SMOC2: variants seen among roughly 807,000 people sequenced by gnomAD.
SMOC2 encodes the protein SPARC-related modular calcium-binding protein 2.
In SMOC2, 39 loss-of-function variants were observed where a neutral mutation model predicts 61.4. That is an observed-to-expected ratio of 0.64 (90% confidence interval 0.49 to 0.83). The LOEUF (loss-of-function observed/expected upper bound fraction) is 0.83. SMOC2 is among the 40% of genes least tolerant of loss of function. SMOC2 has a pLI of 0.00. For missense variants in SMOC2, 556 were observed against 592.9 expected (o/e 0.94, Z 0.65); for synonymous variants, 247 against 239.9 (o/e 1.03, Z -0.27).
intron 7 of SMOC2, among the ~76,000 whole-genome samples, chr6:168,566,193 C>A (rs77984234): frequency 0.018 from 2,798 of 152,168 alleles, 97 homozygotes; most frequent in African/African-American, 0.064. Context: ...TATTATTTAT[C>A]CTAGAATAAA....
intron 1 of SMOC2, among the ~76,000 whole-genome samples, chr6:168,495,278 C>T (rs990170310): frequency 6.6e-6 from 1 of 152,182 alleles, no homozygotes; most frequent in Non-Finnish European, 1.5e-5. Context: ...CGGGTCCACC[C>T]CCCTCTAACT....
At chr6:168,462,117 C>T (rs1468591537) in intron 1 of SMOC2, among the ~76,000 whole-genome samples, 1 of 152,064 alleles carries the variant, frequency 6.6e-6, no homozygotes, top group South Asian at 2.1e-4. Flanking sequence ...TGCTCTTTCC[C>T]CATCCTGCCC....
At chr6:168,651,401 C>T (rs1360896796) in intron 10 of SMOC2, among the ~76,000 whole-genome samples, 1 of 152,148 alleles carries the variant, frequency 6.6e-6, no homozygotes, top group African/African-American at 2.4e-5. Context: ...CAACACTCCT[C>T]TTTTCCACCC....
intron 9 of SMOC2, among the ~76,000 whole-genome samples, chr6:168,611,582 C>A (rs1785867056): frequency 4.2e-5 from 3 of 71,748 alleles, no homozygotes; most frequent in African/African-American, 1.7e-4. Flanking sequence ...CCGTGTCGGG[C>A]CTGGCCGTGG....
intron 8 of SMOC2, among the ~76,000 whole-genome samples, chr6:168,607,386 G>A (rs1174552688): frequency 2.6e-5 from 4 of 152,144 alleles, no homozygotes; most frequent in Non-Finnish European, 5.9e-5. Context: ...TTTATGAGCT[G>A]TTTACCGGAT....
intron 1 of SMOC2, among the ~76,000 whole-genome samples, chr6:168,497,846 G>T (rs936805908): frequency 2.6e-5 from 4 of 152,314 alleles, no homozygotes; most frequent in East Asian, 1.9e-4. Context: ...ATGATGGGGG[G>T]TGCTGAAGGG....
intron 2 of SMOC2, among the ~76,000 whole-genome samples, chr6:168,511,130 A>AATGAAG (rs1257576197): frequency 8.5e-5 from 13 of 152,172 alleles, no homozygotes; most frequent in African/African-American, 3.1e-4. Flanking sequence ...TAAGTATATA[A>AATGAAG]ATGAAGATGT....
chr6:168,491,044 G>A (rs899022567), intron 1 of SMOC2, among the ~76,000 whole-genome samples: 36 of 152,144 alleles, frequency 2.4e-4, no homozygotes, highest in African/African-American at 7.7e-4. Context: ...AGGGGGCAGC[G>A]GGGGCGGCTG....
intron 4 of SMOC2, among the ~76,000 whole-genome samples, chr6:168,528,268 T>TTTTG (rs1491311853): frequency 8.0e-4 from 13 of 16,298 alleles, no homozygotes; most frequent in Non-Finnish European, 4.4e-3. Flanking sequence ...CCCATTAGTG[T>TTTTG]TTTTTTTTTT....
chr6:168,635,387 C>T (rs1012179701), intron 9 of SMOC2, among the ~76,000 whole-genome samples: 5 of 152,192 alleles, frequency 3.3e-5, no homozygotes, highest in Non-Finnish European at 5.9e-5. Context: ...TCATTCCATT[C>T]TGTGGGGGCA....
At chr6:168,625,894 G>A (rs922485690) in intron 9 of SMOC2, among the ~76,000 whole-genome samples, 18 of 152,232 alleles carry the variant, frequency 1.2e-4, no homozygotes, top group East Asian at 1.9e-4. Context: ...GAGGGGCCTC[G>A]GAGGAGGAAG....
chr6:168,459,401 C>T (rs1414592355), intron 1 of SMOC2, among the ~76,000 whole-genome samples: 10 of 152,116 alleles, frequency 6.6e-5, no homozygotes, highest in South Asian at 2.1e-4. Context: ...TTTGCCGCAT[C>T]GGGAAGGGTA....
In SMOC2 at chr6:168,661,481, A is replaced by T. The variant is rs1272749813; in HGVS notation, c.1286-2593A>T. 2.6e-5 allele frequency among the ~76,000 whole-genome samples: 4 copies of T among 152,122 alleles called. No individual in the cohort carries two copies. In the East Asian group the frequency reaches 7.7e-4, roughly 29 times the overall value. On this transcript the variant is annotated intron_variant, in intron 11 of 12. Transcript: ENST00000356284. The stretch of plus-strand genomic sequence containing the variant: ...GCTGGGTGTGGTGGTGTGAGCCTGT[A>T]ATCCCAGCTACTCGGGAGGCTGAGG...
At chr6:168,599,108 TCACACACACA>T (rs372136471) in intron 8 of SMOC2, 104 bp downstream of exon 8, 1 of 999,178 alleles carries the variant, frequency 1.0e-6, no homozygotes, top group African/African-American at 1.8e-5. Flanking sequence ...CGACACACAG[TCACACACACA>T]CTCACACTCA....
intron 9 of SMOC2, among the ~76,000 whole-genome samples, chr6:168,633,913 A>G (rs147287579): frequency 3.0e-4 from 45 of 152,282 alleles, no homozygotes; most frequent in African/African-American, 1.0e-3. Flanking sequence ...TTACCCCTAC[A>G]CTGCTCTTCT....
chr6:168,545,535 G>A (rs1052595745), intron 5 of SMOC2, among the ~76,000 whole-genome samples: 4 of 152,192 alleles, frequency 2.6e-5, no homozygotes, highest in African/African-American at 9.6e-5. Flanking sequence ...TGTGAGGGAC[G>A]GGGGCATGGA....
At chr6:168,648,315 G>A (rs966409218) in intron 9 of SMOC2, among the ~76,000 whole-genome samples, 8 of 152,362 alleles carry the variant, frequency 5.3e-5, no homozygotes, top group Non-Finnish European at 7.3e-5. Flanking sequence ...CTGCCCCGGC[G>A]CCTGTCTCGT....
chr6:168,612,743 G>A (rs572310699), intron 9 of SMOC2, among the ~76,000 whole-genome samples: 14 of 152,286 alleles, frequency 9.2e-5, no homozygotes, highest in Middle Eastern at 3.4e-3. Flanking sequence ...GTAGGCCCTC[G>A]GCGCGGCAAT....
intron 9 of SMOC2, among the ~76,000 whole-genome samples, chr6:168,624,345 C>T (rs778531176): frequency 6.6e-6 from 1 of 152,206 alleles, no homozygotes; most frequent in Non-Finnish European, 1.5e-5. Context: ...CATGTGAACA[C>T]GCACATATGT....
Sources: gnomAD v4.1 joint callset for allele counts (sites outside exome capture counted in the v4.1 genomes callset) on GRCh38, gnomAD v4.1.1 for gene constraint, MANE v1.5 for transcripts, NCBI Gene and HGNC (gene_info 2026-07-23, HGNC 2026-07-21) for gene names.